The following LRP1B variants were observed in gnomAD, a reference collection of about 807,000 sequenced individuals.
LRP1B encodes the protein low-density lipoprotein receptor-related protein 1B.
A neutral mutation model predicts 556.6 loss-of-function variants in LRP1B; 217 were observed. The ratio of observed to expected loss-of-function variants is 0.39; its 90% CI spans 0.35 to 0.44. The LOEUF is 0.44. Among genes scored for constraint, LRP1B ranks in the 20% least tolerant of loss-of-function variants. The pLI, the probability that LRP1B is intolerant of heterozygous loss-of-function variation, is 1.00. For missense variants in LRP1B, 5,053 were observed against 5,620.8 expected, an observed-to-expected ratio of 0.90 and a Z score of 3.23; for synonymous variants, 2,047 against 1,865.8, an observed-to-expected ratio of 1.10 and a Z score of -2.50.
In LRP1B at chr2:140,398,220, G is replaced by A. The variant is rs12475906; in HGVS notation, c.10415-12211C>T. Among the ~76,000 whole-genome samples, 343 of 151,918 alleles carry A rather than the reference G, an allele frequency of 2.3e-3. 1 individual carries two copies. Among genetic ancestry groups the A allele is most frequent in the Non-Finnish European group, 3.7e-3 (252 of 67,932 alleles). The stretch of plus-strand genomic sequence containing the variant: ...AAGTGAAGATAGAGGGGAATATAGA[G>A]AAAATTTTATCTAAATTATTATTTA... On this transcript the variant is annotated intron_variant, in intron 66 of 90. Coordinates refer to ENST00000389484, the MANE Select transcript of LRP1B (RefSeq NM_018557.3).
chr2:141,284,364 T>C (rs1461536051), intron 3 of LRP1B, among the ~76,000 whole-genome samples: 2 of 152,006 alleles, frequency 1.3e-5, no homozygotes, highest in Non-Finnish European at 2.9e-5. Flanking sequence ...AAAACAACAG[T>C]TTAGAAAGAT....
intron 7 of LRP1B, among the ~76,000 whole-genome samples, chr2:141,184,080 T>C (rs1681127946): frequency 2.0e-5 from 3 of 151,982 alleles, no homozygotes; most frequent in Admixed American, 2.0e-4. Flanking sequence ...GTTACAATCC[T>C]CATTAGACCC....
At chr2:141,116,487 A>T (rs1413025064) in intron 7 of LRP1B, among the ~76,000 whole-genome samples, 1 of 152,146 alleles carries the variant, frequency 6.6e-6, no homozygotes, top group Non-Finnish European at 1.5e-5. Flanking sequence ...TCTTTAACTT[A>T]AATTTTAATG....
At chr2:140,358,682 C>T (rs1217760085) in intron 73 of LRP1B, 139 bp downstream of exon 73, 2 of 871,070 alleles carry the variant, frequency 2.3e-6, no homozygotes, top group African/African-American at 1.7e-5. Context: ...TATTTTTATA[C>T]CTTGTCAGAA....
intron 1 of LRP1B, among the ~76,000 whole-genome samples, chr2:142,080,085 T>C (rs1181006923): frequency 7.4e-6 from 1 of 135,862 alleles, no homozygotes; most frequent in African/African-American, 2.6e-5. Flanking sequence ...GGCTTAACTT[T>C]ATTATGAGTG....
chr2:140,873,375 G>T (rs1179622170), intron 25 of LRP1B, among the ~76,000 whole-genome samples: 1 of 152,042 alleles, frequency 6.6e-6, no homozygotes, highest in African/African-American at 2.4e-5. Flanking sequence ...GCGGCTTTAG[G>T]CAGTCTAGTC....
intron 3 of LRP1B, among the ~76,000 whole-genome samples, chr2:141,304,639 C>A (rs1686519293): frequency 6.6e-6 from 1 of 151,386 alleles, no homozygotes; most frequent in East Asian, 1.9e-4. Context: ...ACCACCACAC[C>A]CAGCTATTGT....
chr2:140,298,677 C>G (rs2105002925), intron 83 of LRP1B, among the ~76,000 whole-genome samples: 1 of 152,182 alleles, frequency 6.6e-6, no homozygotes, highest in South Asian at 2.1e-4. Context: ...TCATCTTTGA[C>G]TATTTTTCTT....
intron 2 of LRP1B, among the ~76,000 whole-genome samples, chr2:141,797,879 T>A (rs1264194948): frequency 6.6e-6 from 1 of 152,130 alleles, no homozygotes; most frequent in South Asian, 2.1e-4. Flanking sequence ...ATTCTATAGG[T>A]AAACATCAAT....
rs2105121678 is a variant in LRP1B, at chr2:140,851,705, G to C, written c.4658C>G (p.Ala1553Gly). Residue 1553 changes from alanine to glycine, a missense_variant, in exon 28 of 91, where the codon GCC (alanine) becomes GGC (glycine). Around this residue, in one of 5 missense-constraint regions of LRP1B, gnomAD observed 3,619 missense variants for 3,931.9 expected, o/e 0.92. Transcript: ENST00000389484. ...CTTCATCAAGTGGGGGCACGCACAG[G>C]CAGCACTCCTATTGTGATTGATTAG... ...MCLINHNRSA[A>G]CACPHLMKLS... The C allele has an allele frequency of 6.2e-7, 1 of 1,611,778 alleles. No individual in the cohort carries two copies. Among genetic ancestry groups the C allele is most frequent in the Non-Finnish European group, 8.5e-7 (1 of 1,179,216 alleles).
At chr2:140,525,514 A>G (rs562062893) in intron 49 of LRP1B, among the ~76,000 whole-genome samples, 1 of 152,082 alleles carries the variant, frequency 6.6e-6, no homozygotes, top group East Asian at 1.9e-4. Flanking sequence ...CTCTTCTTTT[A>G]TGAAGTTATT....
intron 6 of LRP1B, among the ~76,000 whole-genome samples, chr2:141,216,493 G>A (rs1013537077): frequency 1.7e-4 from 26 of 152,240 alleles, no homozygotes; most frequent in South Asian, 1.0e-3. Context: ...TTCCCAGTGG[G>A]GCATTACCTA....
chr2:140,939,214 T>A (rs1695321369), intron 20 of LRP1B, among the ~76,000 whole-genome samples: 1 of 152,032 alleles, frequency 6.6e-6, no homozygotes, highest in Non-Finnish European at 1.5e-5. Flanking sequence ...TCAAATATCA[T>A]GCTTAACTGT....
intron 6 of LRP1B, among the ~76,000 whole-genome samples, chr2:141,202,156 C>CTTTGCT (rs1381562153): frequency 6.6e-6 from 1 of 152,090 alleles, no homozygotes. Flanking sequence ...GCCCCCACCT[C>CTTTGCT]ATGCGTCCAT....
At chr2:141,449,410 G>A (rs1681324231) in intron 3 of LRP1B, among the ~76,000 whole-genome samples, 1 of 152,254 alleles carries the variant, frequency 6.6e-6, no homozygotes, top group Non-Finnish European at 1.5e-5. Flanking sequence ...TGGAATTGAT[G>A]TTTGATTAAT....
chr2:141,903,231 C>A lies in LRP1B; in HGVS notation c.83-92830G>T, dbSNP rs1182111906. 2.1e-4 allele frequency among the ~76,000 whole-genome samples: 32 copies of A among 151,710 alleles called. 1 individual carries two copies. Among genetic ancestry groups the A allele is most frequent in the Admixed American group, 1.9e-3 (29 of 15,158 alleles). ...ACTCTTTAATTAATTCTCAAACATC[C>A]CTATCTGTATAGTTGGGACTTGACT... On this transcript the variant is annotated intron_variant, in intron 1 of 90. Transcript: ENST00000389484.
intron 2 of LRP1B, among the ~76,000 whole-genome samples, chr2:141,684,767 A>C (rs1262424573): frequency 6.6e-6 from 1 of 152,008 alleles, no homozygotes; most frequent in Non-Finnish European, 1.5e-5. Context: ...TGTGATATAC[A>C]TGGGAGATCC....
intron 35 of LRP1B, among the ~76,000 whole-genome samples, chr2:140,757,774 AG>A (rs1258698719): frequency 6.6e-6 from 1 of 152,160 alleles, no homozygotes; most frequent in Non-Finnish European, 1.5e-5. Context: ...CCAGCTACTT[AG>A]GGGGCTGAAG....
chr2:141,859,699 T>C (rs1698177965), intron 1 of LRP1B, among the ~76,000 whole-genome samples: 1 of 152,198 alleles, frequency 6.6e-6, no homozygotes, highest in Admixed American at 6.5e-5. Flanking sequence ...GTGAATATAA[T>C]AATTACTATG....
Sources: gnomAD v4.1 joint callset for allele counts (sites outside exome capture counted in the v4.1 genomes callset) on GRCh38, gnomAD v4.1.1 for gene constraint, gnomAD v4.1.1 regional missense constraint, MANE v1.5 for transcripts, NCBI Gene and HGNC (gene_info 2026-07-23, HGNC 2026-07-21) for gene names.